The following ATP8A2 variants were observed in gnomAD, a reference collection of about 807,000 sequenced individuals.
ATP8A2 encodes the protein ATPase phospholipid transporting 8A2.
Under a neutral mutation model 165.6 loss-of-function variants are expected in ATP8A2, and 100 were observed. That is an observed-to-expected ratio of 0.60 (90% CI 0.51 to 0.71). The LOEUF (loss-of-function observed/expected upper bound fraction) is 0.71, where lower values mean the gene tolerates loss of function less well. Ranked by LOEUF, ATP8A2 falls within the 30% of genes least tolerant of loss-of-function variation. The pLI, the probability that ATP8A2 is intolerant of heterozygous loss-of-function variation, is 0.00. For synonymous variants in ATP8A2, 543 were observed against 548.8 expected (o/e 0.99, Z 0.15); for missense variants, 1,227 against 1,479.5 (o/e 0.83, Z 2.80).
Position 25,961,633 on chromosome 13 carries a change from C to T in ATP8A2, c.3242C>T (p.Ala1081Val). 2 of 1,613,946 alleles carry T rather than the reference C, an allele frequency of 1.2e-6. No individual in the cohort carries two copies. The highest frequency in any genetic ancestry group is 1.7e-5 in the Admixed American group (1 of 60,014). ...FWLGLFLVPT[A>V]CLIEDVAWRA... ...TTGGGATTATTTCTGGTTCCTACTG[C>T]CTGTTTGATTGAAGATGTGGCATGG... Residue 1081 changes from alanine (A) to valine (V), a missense_variant, in exon 34 of 37, where the codon GCC becomes GTC. Physicochemically the swap from Ala to Val is moderately conservative, Grantham distance 64 (BLOSUM62 0). This residue lies in a region of ATP8A2 where 260 missense variants were observed against 245.1 expected (regional missense o/e 1.06). Transcript: ENST00000381655.
At chr13:25,499,534 G>A (rs1308656730) in intron 2 of ATP8A2, among the ~76,000 whole-genome samples, 1 of 152,202 alleles carries the variant, frequency 6.6e-6, no homozygotes, top group Non-Finnish European at 1.5e-5. Flanking sequence ...ACCTCTGTAA[G>A]TTGGTGCTCA....
At chr13:25,915,568 G>A (rs74039598) in intron 33 of ATP8A2, among the ~76,000 whole-genome samples, 14,401 of 152,252 alleles carry the variant, frequency 0.095, 1,226 homozygotes, top group East Asian at 0.39. Context: ...AAACCTCCAG[G>A]CACAGGGGGA....
intron 33 of ATP8A2, among the ~76,000 whole-genome samples, chr13:25,955,756 C>T (rs186261922): frequency 1.5e-4 from 23 of 152,250 alleles, no homozygotes; most frequent in Non-Finnish European, 2.4e-4. Context: ...AAAAGAGGGA[C>T]GCCTCCCTAA....
At chr13:25,566,905 C>T (rs1410293654) in intron 16 of ATP8A2, among the ~76,000 whole-genome samples, 4 of 152,188 alleles carry the variant, frequency 2.6e-5, no homozygotes, top group Non-Finnish European at 2.9e-5. Flanking sequence ...TAAGGTGCAA[C>T]TCCCTGAGGA....
At chr13:25,883,872 C>A (rs546184337) in intron 33 of ATP8A2, among the ~76,000 whole-genome samples, 1 of 152,246 alleles carries the variant, frequency 6.6e-6, no homozygotes, top group Admixed American at 6.5e-5. Flanking sequence ...GTTCCTGAGA[C>A]CTTGAGCGAC....
At chr13:25,421,660 AC>A (rs1421253864) in intron 1 of ATP8A2, among the ~76,000 whole-genome samples, 2 of 152,228 alleles carry the variant, frequency 1.3e-5, no homozygotes, top group African/African-American at 4.8e-5. Context: ...AGAGAAGTAA[AC>A]TATATGGAAA....
At chr13:25,431,376 C>T (rs545173436) in intron 1 of ATP8A2, among the ~76,000 whole-genome samples, 4 of 152,004 alleles carry the variant, frequency 2.6e-5, no homozygotes, top group African/African-American at 7.2e-5. Flanking sequence ...CTCGAACTCC[C>T]GACCTCAAGT....
chr13:25,377,258 A>T (rs1566089250), intron 1 of ATP8A2, among the ~76,000 whole-genome samples: 1 of 152,266 alleles, frequency 6.6e-6, no homozygotes, highest in Admixed American at 6.5e-5. Flanking sequence ...TGGATACAAG[A>T]TGTTATTTAC....
intron 26 of ATP8A2, among the ~76,000 whole-genome samples, 165 bp downstream of exon 26, chr13:25,769,394 T>A (rs535446466): frequency 6.6e-6 from 1 of 152,294 alleles, no homozygotes; most frequent in East Asian, 1.9e-4. Flanking sequence ...GTAGTTGTGA[T>A]CTTGTGCAGT....
chr13:25,523,083 C>T (rs139062695), intron 2 of ATP8A2, among the ~76,000 whole-genome samples: 123 of 150,604 alleles, frequency 8.2e-4, no homozygotes, highest in Admixed American at 2.4e-3. Flanking sequence ...ACACTACTGC[C>T]GTCCAGCCTG....
chr13:25,589,775 C>A, intron 24 of ATP8A2, 76 bp downstream of exon 24: 3 of 900,306 alleles, frequency 3.3e-6, no homozygotes, highest in African/African-American at 1.7e-5. Flanking sequence ...CATTGATAAT[C>A]AGGGATCATG....
intron 25 of ATP8A2, among the ~76,000 whole-genome samples, chr13:25,729,635 A>G (rs958662322): frequency 2.6e-5 from 4 of 152,074 alleles, no homozygotes; most frequent in East Asian, 1.9e-4. Flanking sequence ...CAAGGTGTGC[A>G]TGAAGTCGGT....
intron 25 of ATP8A2, among the ~76,000 whole-genome samples, chr13:25,740,839 G>A (rs755250375): frequency 1.3e-5 from 2 of 152,174 alleles, no homozygotes; most frequent in Non-Finnish European, 2.9e-5. Flanking sequence ...GTTGATGAGT[G>A]ATAGGAAATT....
chr13:25,822,300 T>C (rs1951201828), intron 27 of ATP8A2, among the ~76,000 whole-genome samples: 1 of 152,186 alleles, frequency 6.6e-6, no homozygotes, highest in Admixed American at 6.5e-5. Context: ...TATTTTTGTG[T>C]TGAATATTAT....
At chr13:25,513,922 G>A (rs1394221016) in intron 2 of ATP8A2, among the ~76,000 whole-genome samples, 2 of 151,010 alleles carry the variant, frequency 1.3e-5, no homozygotes, top group Non-Finnish European at 2.9e-5. Context: ...GTCCAGCTTT[G>A]GCTCGGCATC....
intron 35 of ATP8A2, among the ~76,000 whole-genome samples, chr13:25,985,405 T>C (rs1278980014): frequency 6.6e-6 from 1 of 152,186 alleles, no homozygotes; most frequent in African/African-American, 2.4e-5. Flanking sequence ...CTTAAAGTCT[T>C]TCCTTGGGCC....
intron 27 of ATP8A2, among the ~76,000 whole-genome samples, chr13:25,778,051 G>A (rs2044781760): frequency 6.6e-6 from 1 of 152,118 alleles, no homozygotes; most frequent in Non-Finnish European, 1.5e-5. Context: ...GTGTATTCTG[G>A]AGACCATTCC....
At chr13:25,748,598 CTCTT>C (rs1423731499) in intron 25 of ATP8A2, among the ~76,000 whole-genome samples, 2 of 152,170 alleles carry the variant, frequency 1.3e-5, no homozygotes, top group Non-Finnish European at 2.9e-5. Flanking sequence ...GCGGTTTGAT[CTCTT>C]TCTTGTGCTT....
intron 26 of ATP8A2, among the ~76,000 whole-genome samples, chr13:25,770,238 A>G (rs1051621507): frequency 6.6e-6 from 1 of 152,182 alleles, no homozygotes; most frequent in Non-Finnish European, 1.5e-5. Flanking sequence ...AATATGGCTT[A>G]GGAGTCATGC....
Sources: allele counts gnomAD v4.1 joint callset (sites outside exome capture counted in the v4.1 genomes callset), GRCh38; gene constraint gnomAD v4.1.1; regional missense constraint gnomAD v4.1.1; transcripts MANE v1.5; gene names NCBI Gene and HGNC (gene_info 2026-07-23, HGNC 2026-07-21).